BIRC6: variants seen among roughly 807,000 people sequenced by gnomAD.
BIRC6 encodes the protein dual E2 ubiquitin-conjugating enzyme/E3 ubiquitin-protein ligase BIRC6.
Under a neutral mutation model 503.3 loss-of-function variants are expected in BIRC6, and 98 were observed. The observed-to-expected ratio is 0.19, with a 90% CI of 0.17 to 0.23. The LOEUF (loss-of-function observed/expected upper bound fraction) is 0.23. Ranked by LOEUF, BIRC6 falls within the 10% of genes least tolerant of loss-of-function variation. The pLI is 1.00. For synonymous variants in BIRC6, 2,240 were observed against 2,078.7 expected (o/e 1.08, Z -2.11); for missense variants, 5,360 against 5,806.0 (o/e 0.92, Z 2.50).
At position 32,368,829 on chromosome 2, in the gene BIRC6, T is replaced by C. The variant is rs2035352297; in HGVS notation, c.326-8759T>C. ...ACCATGCCCAGCTAATTTTAGTACT[T>C]TTAATAGAGACAAGGTTTCACCATG... On this transcript the variant is annotated intron_variant, in intron 1 of 73. Transcript: ENST00000421745. Among the ~76,000 whole-genome samples, 3 of 152,044 alleles carry C rather than the reference T, an allele frequency of 2.0e-5. No homozygotes were observed. In the South Asian group the frequency reaches 6.2e-4, roughly 32 times the overall value.
At position 32,380,308 on chromosome 2, in the gene BIRC6, T is replaced by G. The variant is rs980962703; in HGVS notation, c.645+18T>G. 1.9e-6 allele frequency: 3 copies of G among 1,578,174 alleles called. No individual in the cohort carries two copies. In the African/African-American group the frequency reaches 4.1e-5, roughly 22 times the overall value. Reference sequence around the variant, plus strand: ...TTGCTAAGGTAAGAAGTTAATAGATTGCCTCTTTTGGGGTTATATTACAAT... The same window carrying G: ...TTGCTAAGGTAAGAAGTTAATAGATGGCCTCTTTTGGGGTTATATTACAAT... On this transcript the variant is annotated intron_variant, in intron 3 of 73. Transcript: ENST00000421745.
At position 32,426,812 on chromosome 2, in the gene BIRC6, T is replaced by A. The variant is rs189926385; in HGVS notation, c.2873-2334T>A. On this transcript the variant is annotated intron_variant, in intron 10 of 73. Transcript: ENST00000421745. ...TCTTTGGGGCTTTCTTTGTTACTTA[T>A]CATAAGGCAGGTTGCTAGCATAAAG... 1.6e-4 allele frequency among the ~76,000 whole-genome samples: 25 copies of A among 152,356 alleles called. No individual in the cohort carries two copies. In the East Asian group the frequency reaches 4.4e-3, roughly 27 times the overall value.
chr2:32,486,489 G>A (rs886849437), intron 40 of BIRC6, among the ~76,000 whole-genome samples: 1 of 152,154 alleles, frequency 6.6e-6, no homozygotes, highest in African/African-American at 2.4e-5. Flanking sequence ...GAGGAGTACA[G>A]TTGAAATAGC....
chr2:32,484,562 A>AG, intron 39 of BIRC6, among the ~76,000 whole-genome samples: 2 of 151,900 alleles, frequency 1.3e-5, no homozygotes, highest in South Asian at 2.1e-4. Context: ...AAAAAAAAAA[A>AG]AAAAGAAAGA....
In BIRC6 at chr2:32,422,414, A is replaced by AT. The variant is rs569189601; in HGVS notation, c.2872+6261dup. 6.0e-3 allele frequency among the ~76,000 whole-genome samples: 891 copies of AT among 148,728 alleles called. 12 individuals carry two copies. The highest frequency in any genetic ancestry group is 0.02 in the African/African-American group (806 of 40,578). On this transcript the variant is annotated intron_variant, in intron 10 of 73. Transcript: ENST00000421745. ...GTGTGCCATTTTAATCCCTCTGTTGATTTTTTTTTTAGAAGAAAATTTACA... is the reference window on the plus strand; with the variant it reads ...GTGTGCCATTTTAATCCCTCTGTTGATTTTTTTTTTTAGAAGAAAATTTACA...
intron 19 of BIRC6, 95 bp downstream of exon 19, chr2:32,442,550 A>G (rs1188537482): frequency 1.4e-5 from 18 of 1,288,618 alleles, no homozygotes; most frequent in Non-Finnish European, 1.9e-5. Context: ...TCCTTGTTTA[A>G]TGTATGTATA....
intron 66 of BIRC6, among the ~76,000 whole-genome samples, chr2:32,590,473 G>A (rs189387510): frequency 1.9e-4 from 29 of 152,282 alleles, no homozygotes; most frequent in African/African-American, 6.5e-4. Flanking sequence ...GGAAATAGCT[G>A]TATTAAGCTG....
intron 9 of BIRC6, among the ~76,000 whole-genome samples, chr2:32,407,671 ATTC>A (rs1444744008): frequency 2.0e-5 from 3 of 152,072 alleles, no homozygotes; most frequent in Non-Finnish European, 2.9e-5. Context: ...GGTAGTAAAT[ATTC>A]TTTAAATTTT....
intron 8 of BIRC6, 72 bp downstream of exon 8, chr2:32,401,695 T>G: frequency 7.4e-7 from 1 of 1,352,764 alleles, no homozygotes; most frequent in Non-Finnish European, 1.0e-6. Context: ...CTCATAGTTC[T>G]AATAATTAAA....
chr2:32,360,585 C>G (rs1266630761), intron 1 of BIRC6, among the ~76,000 whole-genome samples: 1 of 152,182 alleles, frequency 6.6e-6, no homozygotes, highest in Non-Finnish European at 1.5e-5. Context: ...CAATTCGCTC[C>G]AGTCATTTAG....
At chr2:32,405,149 A>G (rs2041055352) in intron 8 of BIRC6, among the ~76,000 whole-genome samples, 1 of 152,176 alleles carries the variant, frequency 6.6e-6, no homozygotes, top group South Asian at 2.1e-4. Context: ...ATGGGCAGCC[A>G]TTCTATACTT....
At chr2:32,489,949 T>C (rs1245927463) in intron 42 of BIRC6, 92 bp from the exon 43 acceptor site, 16 of 858,382 alleles carry the variant, frequency 1.9e-5, no homozygotes, top group Non-Finnish European at 3.1e-5. Context: ...TTTAAAGAAA[T>C]AGTGTCTTGT....
intron 3 of BIRC6, among the ~76,000 whole-genome samples, chr2:32,386,949 ACTAT>A (rs1271841643): frequency 1.3e-5 from 2 of 152,142 alleles, no homozygotes; most frequent in African/African-American, 4.8e-5. Context: ...TGGGGAAGTA[ACTAT>A]TACACAATAA....
intron 63 of BIRC6, among the ~76,000 whole-genome samples, chr2:32,546,425 C>T (rs2058056191): frequency 6.6e-6 from 1 of 151,802 alleles, no homozygotes; most frequent in Non-Finnish European, 1.5e-5. Context: ...ACTAAAAATG[C>T]AAAAATTTGC....
intron 45 of BIRC6, among the ~76,000 whole-genome samples, chr2:32,495,648 T>G (rs1022068033): frequency 3.9e-5 from 6 of 152,138 alleles, no homozygotes; most frequent in African/African-American, 1.4e-4. Flanking sequence ...TTTTATGTAT[T>G]TTTTGTTGTT....
chr2:32,500,966 T>C (rs879434074), intron 46 of BIRC6, among the ~76,000 whole-genome samples: 1 of 152,084 alleles, frequency 6.6e-6, no homozygotes, highest in Non-Finnish European at 1.5e-5. Context: ...TGAACTCTTA[T>C]TTCACATCAT....
At position 32,464,790 on chromosome 2, in the gene BIRC6, T is replaced by A. The variant is rs201050878; in HGVS notation, c.5223T>A (p.Ala1741=). ...SVIDPPAVNL[A]AHNKNSNKSR... ...TTGATCCCCCAGCAGTCAATCTTGC[T>A]GCACATAACAAAAATTCCAACAAGT... is the stretch of plus-strand genomic sequence containing the variant. The change falls in exon 25 of 74, where the codon GCT becomes GCA. Residue 1741 remains alanine (A), a synonymous_variant. Transcript: ENST00000421745. The A allele has an allele frequency of 7.4e-6, 12 of 1,612,104 alleles. No homozygotes were observed. In the East Asian group the frequency reaches 2.7e-4, roughly 36 times the overall value.
intron 66 of BIRC6, among the ~76,000 whole-genome samples, chr2:32,582,747 C>G (rs1020025838): frequency 1.1e-4 from 16 of 152,220 alleles, no homozygotes; most frequent in Middle Eastern, 3.4e-3. Flanking sequence ...TAGAGCAAGA[C>G]TCTGTCTCAA....
chr2:32,471,267 T>G, intron 32 of BIRC6, 143 bp downstream of exon 32: 1 of 1,018,680 alleles, frequency 9.8e-7, no homozygotes, highest in Non-Finnish European at 1.4e-6. Flanking sequence ...AAAATACAAA[T>G]GAACTTCACT....
Sources: allele counts gnomAD v4.1 joint callset (sites outside exome capture counted in the v4.1 genomes callset), GRCh38; gene constraint gnomAD v4.1.1; transcripts MANE v1.5; gene names NCBI Gene and HGNC (gene_info 2026-07-23, HGNC 2026-07-21).